MS4A18: variants seen among roughly 807,000 people sequenced by gnomAD.
The protein encoded by MS4A18 is membrane spanning 4-domains A18.
MS4A18 carries 27 observed loss-of-function variants against 13.1 expected under a neutral mutation model. The ratio of observed to expected loss-of-function variants is 2.06; its 90% CI spans 1.52 to 2.84. The LOEUF is 2.84. Ranked by LOEUF, MS4A18 falls within the 30% of genes most tolerant of loss-of-function variation. The pLI is 0.00. For missense variants in MS4A18, 307 were observed against 196.4 expected, an observed-to-expected ratio of 1.56 and a Z score of -3.37; for synonymous variants, 126 against 76.5, an observed-to-expected ratio of 1.65 and a Z score of -3.38.
chr11:60,730,427 C>T (rs928060330), intron 1 of MS4A18, among the ~76,000 whole-genome samples: 1 of 152,220 alleles, frequency 6.6e-6, no homozygotes, highest in Non-Finnish European at 1.5e-5. Context: ...ACTCTATGCA[C>T]TCATCCATTC....
chr11:60,742,537 A>G (rs1408893444), intron 5 of MS4A18, among the ~76,000 whole-genome samples: 2 of 152,212 alleles, frequency 1.3e-5, no homozygotes, highest in South Asian at 2.1e-4. Context: ...TGTGAGACCA[A>G]TACCTTTAGA....
chr11:60,738,546 T>C (rs1333457722), intron 3 of MS4A18, among the ~76,000 whole-genome samples: 1 of 152,076 alleles, frequency 6.6e-6, no homozygotes, highest in Non-Finnish European at 1.5e-5. Context: ...GCACATTGAT[T>C]AACGAATGAT....
At chr11:60,725,350 C>A (rs183708242), upstream of MS4A18, among the ~76,000 whole-genome samples, 29 of 152,314 alleles carry the variant, frequency 1.9e-4, no homozygotes, top group East Asian at 5.0e-3. Context: ...CCCGCCACCA[C>A]GCCCGGCTAA....
intron 5 of MS4A18, among the ~76,000 whole-genome samples, chr11:60,743,350 T>G (rs536081109): frequency 6.6e-6 from 1 of 152,366 alleles, no homozygotes; most frequent in East Asian, 1.9e-4. Context: ...TCTGGCTCTT[T>G]GCAAGCTGGC....
At chr11:60,743,496 GC>G (rs1380229823) in intron 5 of MS4A18, among the ~76,000 whole-genome samples, 153 bp from the exon 7 acceptor site, 1 of 152,212 alleles carries the variant, frequency 6.6e-6, no homozygotes, top group Non-Finnish European at 1.5e-5. Context: ...ATTTACTGTT[GC>G]CCCCTTGGCC....
At chr11:60,741,200 T>A in intron 5 of MS4A18, 57 bp downstream of exon 6, 2 of 702,676 alleles carry the variant, frequency 2.8e-6, no homozygotes, top group South Asian at 3.0e-5. Flanking sequence ...GGGTGTGGGC[T>A]ATAGCAAGAG....
At chr11:60,737,858 G>A (rs896572413) in intron 3 of MS4A18, among the ~76,000 whole-genome samples, 1 of 152,160 alleles carries the variant, frequency 6.6e-6, no homozygotes, top group Non-Finnish European at 1.5e-5. Flanking sequence ...CAGTCTGCAA[G>A]GCAAACTCCT....
At position 60,731,610 on chromosome 11, in the gene MS4A18, TTC is replaced by T. The variant is rs543535245; in HGVS notation, c.477+1820_477+1821del. ...AAGAGACATCATTCTATTTATAGCA[TTC>T]TGTTTTTAGTAGTAGTATTCCCATT... On this transcript the variant is annotated intron_variant, in intron 1 of 5. Coordinates refer to ENST00000529108, the Ensembl canonical transcript of MS4A18. Among the ~76,000 whole-genome samples the T allele has an allele frequency of 2.2e-4, 34 of 152,350 alleles. No individual in the cohort carries two copies. The Middle Eastern group carries it at 0.01, about 46-fold the overall frequency.
chr11:60,731,790 G>GAA (rs1853256890), intron 1 of MS4A18, among the ~76,000 whole-genome samples: 2 of 152,144 alleles, frequency 1.3e-5, no homozygotes, highest in Non-Finnish European at 2.9e-5. Flanking sequence ...TCTAATGTTA[G>GAA]TTCTGTTTAG....
chr11:60,735,500 A>ATTTTTTTT (rs56136215), intron 2 of MS4A18, among the ~76,000 whole-genome samples: 9 of 110,098 alleles, frequency 8.2e-5, no homozygotes, highest in South Asian at 3.3e-4. Context: ...TGCCCGGCTA[A>ATTTTTTTT]TTTTTTTTTT....
chr11:60,738,121 G>A (rs1017377727), intron 3 of MS4A18, among the ~76,000 whole-genome samples: 1 of 152,146 alleles, frequency 6.6e-6, no homozygotes, highest in Non-Finnish European at 1.5e-5. Context: ...TCTCACAGCT[G>A]TCCTGGCCTC....
chr11:60,739,319 C>G lies in MS4A18; in HGVS notation c.744+322C>G, dbSNP rs150084374. On this transcript the variant is annotated intron_variant, in intron 4 of 5. Coordinates refer to ENST00000529108, the Ensembl canonical transcript of MS4A18. ...GCCACACTCAGACTCACAAGATCAC[C>G]TGCCCCTAGGGGTCTCTCGAGGGAT... Among the ~76,000 whole-genome samples the G allele has an allele frequency of 1.6e-4, 24 of 152,204 alleles. 1 individual carries two copies. In the East Asian group the frequency reaches 4.6e-3, roughly 29 times the overall value.
chr11:60,726,717 C>CTTTTATTTTATTA (rs1853166918), upstream of MS4A18, among the ~76,000 whole-genome samples: 1 of 124,910 alleles, frequency 8.0e-6, no homozygotes, highest in African/African-American at 3.1e-5. Context: ...TGGGGTAACA[C>CTTTTATTTTATTA]TTTTATTTTA....
At chr11:60,728,082 G>T (rs553240244), upstream of MS4A18, among the ~76,000 whole-genome samples, 61 of 152,240 alleles carry the variant, frequency 4.0e-4, no homozygotes, top group African/African-American at 1.4e-3. Context: ...ATTTCTACAT[G>T]GTCGCAATCC....
upstream of MS4A18, among the ~76,000 whole-genome samples, chr11:60,725,557 CTGTT>C (rs988197701): frequency 6.6e-6 from 1 of 152,070 alleles, no homozygotes; most frequent in African/African-American, 2.4e-5. Flanking sequence ...TAGGGCCCAA[CTGTT>C]TGTGCCAATT....
At chr11:60,735,364 C>T (rs1160971250) in intron 2 of MS4A18, among the ~76,000 whole-genome samples, 4 of 147,358 alleles carry the variant, frequency 2.7e-5, no homozygotes, top group Non-Finnish European at 4.5e-5. Context: ...GACGGAGTCT[C>T]GCTCTGTCGC....
intron 5 of MS4A18, among the ~76,000 whole-genome samples, chr11:60,742,983 G>T (rs1252127851): frequency 1.3e-5 from 2 of 152,190 alleles, no homozygotes; most frequent in Non-Finnish European, 2.9e-5. Context: ...GTCTGCTGTG[G>T]CAGTTTCCTC....
At chr11:60,741,848 C>A (rs1853418667) in intron 5 of MS4A18, among the ~76,000 whole-genome samples, 1 of 152,182 alleles carries the variant, frequency 6.6e-6, no homozygotes, top group Non-Finnish European at 1.5e-5. Flanking sequence ...GTCTAGGATC[C>A]AAATCAGATC....
At chr11:60,739,582 G>A (rs1471650860) in intron 4 of MS4A18, among the ~76,000 whole-genome samples, 1 of 152,116 alleles carries the variant, frequency 6.6e-6, no homozygotes, top group Non-Finnish European at 1.5e-5. Flanking sequence ...GGTAGCCAGG[G>A]AATGATATGT....
Sources: gnomAD v4.1 joint callset for allele counts (sites outside exome capture counted in the v4.1 genomes callset) on GRCh38, gnomAD v4.1.1 for gene constraint, MANE v1.5 for transcripts, NCBI Gene and HGNC (gene_info 2026-07-23, HGNC 2026-07-21) for gene names.